Variants in CCDC92 observed in about 807,000 individuals in gnomAD.
CCDC92 encodes coiled-coil domain-containing protein 92.
Under a neutral mutation model 24.9 loss-of-function variants are expected in CCDC92, and 12 were observed. The observed-to-expected ratio is 0.48, with a 90% confidence interval of 0.31 to 0.78. CCDC92 has a LOEUF of 0.78. Ranked by LOEUF, CCDC92 falls within the 30% of genes least tolerant of loss-of-function variation. CCDC92 has a pLI of 0.05. For synonymous variants in CCDC92, 193 were observed against 196.3 expected (o/e 0.98, Z 0.14); for missense variants, 399 against 439.4 (o/e 0.91, Z 0.82).
chr12:123,942,512 T>C (rs1411962972), intron 4 of CCDC92, among the ~76,000 whole-genome samples: 4 of 152,222 alleles, frequency 2.6e-5, no homozygotes, highest in African/African-American at 9.6e-5. Context: ...ATTCCAAATA[T>C]ATGTGTCATT....
At chr12:123,961,547 A>G (rs1956272291) in intron 1 of CCDC92, among the ~76,000 whole-genome samples, 1 of 152,246 alleles carries the variant, frequency 6.6e-6, no homozygotes, top group Non-Finnish European at 1.5e-5. Context: ...TTGTATATTA[A>G]AAGTTGCTCA....
intron 4 of CCDC92, among the ~76,000 whole-genome samples, chr12:123,940,099 A>G (rs929935899): frequency 6.6e-6 from 1 of 152,236 alleles, no homozygotes; most frequent in African/African-American, 2.4e-5. Flanking sequence ...CGTTTGGAAC[A>G]TTCAGGAACA....
At chr12:123,964,549 A>C (rs1020811819) in intron 1 of CCDC92, among the ~76,000 whole-genome samples, 2 of 152,178 alleles carry the variant, frequency 1.3e-5, no homozygotes, top group Non-Finnish European at 2.9e-5. Context: ...TTGTGGAGCT[A>C]ATATTTGGGA....
At chr12:123,956,850 A>G (rs1006416386) in intron 1 of CCDC92, among the ~76,000 whole-genome samples, 16 of 152,248 alleles carry the variant, frequency 1.1e-4, no homozygotes, top group African/African-American at 3.9e-4. Flanking sequence ...ACTGTATTTC[A>G]TAGATTATTT....
At position 123,942,718 on chromosome 12, in the gene CCDC92, A is replaced by G. The variant is rs375250379; in HGVS notation, c.223+26T>C. 2.5e-6 allele frequency: 4 copies of G among 1,583,938 alleles called. No individual in the cohort carries two copies. In the African/African-American group the frequency reaches 4.0e-5, roughly 16 times the overall value. On this transcript the variant is annotated intron_variant, in intron 4 of 4. Transcript: ENST00000238156. ...GTACCACAAAGGGAAACCTACTGTC[A>G]TTTACTTCTGGGGAGGAGTTCTTAC...
At chr12:123,943,571 G>C (rs928676615) in intron 2 of CCDC92, 78 bp from the exon 3 acceptor site, 1 of 1,521,184 alleles carries the variant, frequency 6.6e-7, no homozygotes, top group Non-Finnish European at 9.1e-7. Flanking sequence ...TCTGGGTGCA[G>C]AGGGGTGTGC....
chr12:123,937,325 G>A lies in CCDC92; in HGVS notation c.729C>T (p.Pro243=), dbSNP rs1489458528. Residue 243 remains proline, a synonymous_variant, in exon 5 of 5, where the codon CCC becomes CCT. Transcript: ENST00000238156. The surrounding 1 kb of genome is among the most constrained non-coding windows in gnomAD (Gnocchi z 8.4). ...LREPVDAMPD[P]TPFLLARESA... ...ACTCCCTAGCCAGCAGAAATGGGGT[G>A]GGGTCGGGCATAGCATCCACTGGTT... is the stretch of plus-strand genomic sequence containing the variant. The A allele has an allele frequency of 1.2e-6, 2 of 1,613,820 alleles. No individual in the cohort carries two copies. The highest frequency in any genetic ancestry group is 1.7e-5 in the Admixed American group (1 of 60,026).
Position 123,937,894 on chromosome 12 carries a change from T to TG in CCDC92, c.224-65_224-64insC. 1 of 1,511,004 alleles carries TG rather than the reference T, an allele frequency of 6.6e-7. No homozygotes were observed. The highest frequency in any genetic ancestry group is 1.3e-5 in the South Asian group (1 of 78,414). 93.6% of individuals were successfully genotyped at this position (1,511,004 alleles called of 1,614,324 possible). A position where few individuals can be genotyped will look rare whatever the true frequency, so the allele number is the denominator to read the frequency against. On this transcript the variant is annotated intron_variant, in intron 4 of 4. Transcript: ENST00000238156. This position sits in a 1 kb window ranked among gnomAD's most constrained non-coding sequence, Gnocchi z 8.4. ...TAGACTGAGGCCGAGTGGTGAGGCC[T>TG]ATGGGGCAGGCGGACCTGTCTGGTG...
At chr12:123,952,125 C>A (rs1204544921) in intron 1 of CCDC92, among the ~76,000 whole-genome samples, 7 of 152,128 alleles carry the variant, frequency 4.6e-5, no homozygotes, top group Admixed American at 1.3e-4. Context: ...CCAGGACGGG[C>A]CTGGCATAGA....
At chr12:123,942,381 T>C (rs1955710796) in intron 4 of CCDC92, among the ~76,000 whole-genome samples, 1 of 152,248 alleles carries the variant, frequency 6.6e-6, no homozygotes, top group African/African-American at 2.4e-5. Flanking sequence ...GGGGCGGTTC[T>C]GCCCAATGCT....
chr12:123,944,530 C>T (rs939732942), intron 1 of CCDC92, 166 bp from the exon 2 acceptor site: 16 of 480,578 alleles, frequency 3.3e-5, no homozygotes, highest in Admixed American at 8.5e-5. Flanking sequence ...ACAGTGGAAC[C>T]GTTTTGGAGA....
intron 1 of CCDC92, among the ~76,000 whole-genome samples, chr12:123,966,834 T>C (rs1227608619): frequency 6.6e-6 from 1 of 152,180 alleles, no homozygotes; most frequent in East Asian, 1.9e-4. Context: ...GTTCTAGAAT[T>C]AGCCAGTCGT....
chr12:123,944,386 T>C, intron 1 of CCDC92, 22 bp from the exon 2 acceptor site: 1 of 1,243,266 alleles, frequency 8.0e-7, no homozygotes. Flanking sequence ...ATGTGAGTTA[T>C]TTGCTTATAA....
chr12:123,942,730 G>C lies in CCDC92; in HGVS notation c.223+14C>G. 1 of 1,601,852 alleles carries C rather than the reference G, an allele frequency of 6.2e-7. No homozygotes were observed. The highest frequency in any genetic ancestry group is 8.6e-7 in the Non-Finnish European group (1 of 1,168,744). On this transcript the variant is annotated intron_variant, in intron 4 of 4. Transcript: ENST00000238156. ...GAAACCTACTGTCATTTACTTCTGG[G>C]GAGGAGTTCTTACCTGTCTGTTCCG...
chr12:123,959,133 C>G (rs150203392), intron 1 of CCDC92, among the ~76,000 whole-genome samples: 1 of 152,300 alleles, frequency 6.6e-6, no homozygotes, highest in African/African-American at 2.4e-5. Flanking sequence ...GCAAGTCACA[C>G]GTAACTCCCG....
chr12:123,946,648 G>A (rs1443890831), intron 1 of CCDC92: 3 of 152,338 alleles, frequency 2.0e-5, no homozygotes, highest in African/African-American at 4.8e-5. Context: ...GCACCCTGGA[G>A]GCCCACGAAT....
intron 1 of CCDC92, among the ~76,000 whole-genome samples, chr12:123,964,257 T>TA (rs1354381685): frequency 6.6e-6 from 1 of 152,104 alleles, no homozygotes; most frequent in Non-Finnish European, 1.5e-5. Flanking sequence ...ATCTTTTTTT[T>TA]AAAAAAAGTG....
chr12:123,972,496 G>A (rs1045493387), intron 1 of CCDC92, 33 bp downstream of exon 1: 1 of 151,538 alleles, frequency 6.6e-6, no homozygotes, highest in Non-Finnish European at 1.5e-5. Context: ...GGTGAGCGGG[G>A]CCGGACTCGA....
rs1955513280 is a variant in CCDC92 at position 123,936,890 on chromosome 12, C to T, written c.*168G>A. 4.2e-6 allele frequency: 3 copies of T among 713,750 alleles called. No homozygotes were observed. Among genetic ancestry groups the T allele is most frequent in the South Asian group, 1.9e-5 (1 of 53,610 alleles). 44.2% of individuals were successfully genotyped at this position (713,750 alleles called of 1,614,324 possible). On this transcript the variant is annotated 3_prime_UTR_variant, in exon 5 of 5. Transcript: ENST00000238156. ...GGAAATACATATTCTGCGGCAGGGA[C>T]ACGATCATATTTTGGTGTGAAGAAG... is the stretch of plus-strand genomic sequence containing the variant.
Sources: allele counts gnomAD v4.1 joint callset (sites outside exome capture counted in the v4.1 genomes callset), GRCh38; gene constraint gnomAD v4.1.1; non-coding constraint Gnocchi (gnomAD v3.1); transcripts MANE v1.5; gene names NCBI Gene and HGNC (gene_info 2026-07-23, HGNC 2026-07-21).